Variants in ABLIM2 observed in about 807,000 individuals in gnomAD.
The protein encoded by ABLIM2 is actin binding LIM protein family member 2, also known as actin-binding LIM protein 2.
Under a neutral mutation model 97.7 loss-of-function variants are expected in ABLIM2, and 53 were observed. The ratio of observed to expected loss-of-function variants is 0.54; its 90% CI spans 0.44 to 0.68. The LOEUF (loss-of-function observed/expected upper bound fraction) is 0.68. ABLIM2 is among the 30% of genes least tolerant of loss of function. The pLI, the probability that ABLIM2 is intolerant of heterozygous loss-of-function variation, is 0.00. For synonymous variants in ABLIM2, 361 were observed against 345.8 expected, an observed-to-expected ratio of 1.04 and a Z score of -0.49; for missense variants, 835 against 867.2, an observed-to-expected ratio of 0.96 and a Z score of 0.47.
chr4:7,983,438 C>T (rs371079889), intron 19 of ABLIM2, 94 bp from the exon 20 acceptor site: 45 of 1,576,386 alleles, frequency 2.9e-5, no homozygotes, highest in Non-Finnish European at 3.5e-5. Flanking sequence ...TACATACTTG[C>T]GTCTGCACCT....
intron 14 of ABLIM2, among the ~76,000 whole-genome samples, chr4:8,011,002 T>C (rs1560593542): frequency 6.6e-6 from 1 of 152,222 alleles, no homozygotes; most frequent in Non-Finnish European, 1.5e-5. Flanking sequence ...GTGCATCGTT[T>C]CCTGAAAAGC....
chr4:7,973,088 T>C (rs1191909665), intron 20 of ABLIM2, among the ~76,000 whole-genome samples: 1 of 149,934 alleles, frequency 6.7e-6, no homozygotes, highest in Non-Finnish European at 1.5e-5. Flanking sequence ...TGTGTGTGTG[T>C]GTGTGTGTGT....
At chr4:8,110,726 T>A (rs571647096) in intron 1 of ABLIM2, among the ~76,000 whole-genome samples, 6 of 152,230 alleles carry the variant, frequency 3.9e-5, no homozygotes, top group Non-Finnish European at 7.4e-5. Context: ...GAGGCCCCAA[T>A]CTCGCCTGCT....
In ABLIM2 at chr4:8,155,884, G is replaced by A. The variant is rs1715154214; in HGVS notation, c.10+2796C>T. On this transcript the variant is annotated intron_variant, in intron 1 of 20. Coordinates refer to ENST00000447017, the MANE Select transcript of ABLIM2 (RefSeq NM_001130083.2). This position sits in a 1 kb window ranked among gnomAD's most constrained non-coding sequence, Gnocchi z 4.2. ...GGAAGACGGGGCGAGGACACAGGGA[G>A]AGGGCGGCCGTCCACAAGCCAAGGA... Among the ~76,000 whole-genome samples, 1 of 152,070 alleles carries A rather than the reference G, an allele frequency of 6.6e-6. No individual in the cohort carries two copies. The highest frequency in any genetic ancestry group is 2.4e-5 in the African/African-American group (1 of 41,384).
rs2152807990 is a variant in ABLIM2 at position 8,113,198 on chromosome 4, C to T, written c.11-6561G>A. Among the ~76,000 whole-genome samples, 1 of 152,266 alleles carries T rather than the reference C, an allele frequency of 6.6e-6. No homozygotes were observed. Among genetic ancestry groups the T allele is most frequent in the Middle Eastern group, 3.4e-3 (1 of 294 alleles). ...CAGCCTCAACCTCCCGGGATCAAGC[C>T]ATCCTCCCACCTCAGCCTCCCGAGT... On this transcript the variant is annotated intron_variant, in intron 1 of 20. Transcript: ENST00000447017. The surrounding 1 kb of genome is among the most constrained non-coding windows in gnomAD (Gnocchi z 4.5).
At position 7,967,123 on chromosome 4, in the gene ABLIM2, A is replaced by G. The variant is rs1453848927; in HGVS notation, c.1825-20T>C. On this transcript the variant is annotated intron_variant, in intron 20 of 20. Coordinates refer to ENST00000447017, the MANE Select transcript of ABLIM2 (RefSeq NM_001130083.2). ...GTGTCTCTTCAAACAAAAAGGCAAAACAGAAGGGACCAGTTAGCCACGCAG... is the reference window on the plus strand; with the variant it reads ...GTGTCTCTTCAAACAAAAAGGCAAAGCAGAAGGGACCAGTTAGCCACGCAG... The G allele has an allele frequency of 6.3e-7, 1 of 1,596,014 alleles. No individual in the cohort carries two copies. The highest frequency in any genetic ancestry group is 8.6e-7 in the Non-Finnish European group (1 of 1,165,130).
chr4:7,997,871 CT>C lies in ABLIM2; in HGVS notation c.1619-4945del, dbSNP rs1453239635. The stretch of plus-strand genomic sequence containing the variant: ...TCTTCTCAGTGTTAGTATCTGCTGT[CT>C]TTTTTTTCTTTTTTTCTTTTTTTTT... On this transcript the variant is annotated intron_variant, in intron 16 of 20. Transcript: ENST00000447017. Among the ~76,000 whole-genome samples the C allele has an allele frequency of 2.6e-5, 4 of 151,858 alleles. No homozygotes were observed. In the South Asian group the frequency reaches 8.4e-4, roughly 32 times the overall value.
At chr4:8,018,324 C>T (rs1771004416) in intron 14 of ABLIM2, among the ~76,000 whole-genome samples, 1 of 152,232 alleles carries the variant, frequency 6.6e-6, no homozygotes, top group South Asian at 2.1e-4. Context: ...AGGCTGGGTG[C>T]CATGATGGAA....
intron 1 of ABLIM2, among the ~76,000 whole-genome samples, chr4:8,117,228 GAC>G (rs894995593): frequency 2.3e-4 from 35 of 152,302 alleles, no homozygotes; most frequent in African/African-American, 5.1e-4. Context: ...GAGGTTTAGT[GAC>G]CAGCCCAAAG....
At chr4:8,020,678 A>C in intron 12 of ABLIM2, 1 of 293,888 alleles carries the variant, frequency 3.4e-6, no homozygotes, top group Non-Finnish European at 6.5e-6. Context: ...CCTCTTCCTA[A>C]TTATCCTTGT....
chr4:8,091,678 T>TATATAATTATATATTATATAATATACATA (rs1828522213), intron 3 of ABLIM2, among the ~76,000 whole-genome samples: 1 of 76,694 alleles, frequency 1.3e-5, no homozygotes, highest in African/African-American at 5.3e-5. Flanking sequence ...TATAAAATTA[T>TATATAATTATATATTATATAATATACATA]ATATAATTAT....
intron 14 of ABLIM2, among the ~76,000 whole-genome samples, chr4:8,016,789 G>T (rs78497859): frequency 6.6e-6 from 1 of 152,136 alleles, no homozygotes; most frequent in Admixed American, 6.5e-5. Context: ...CAGTGTTGGC[G>T]TCTCTACCAA....
chr4:7,995,606 C>T (rs1320621265), intron 16 of ABLIM2, among the ~76,000 whole-genome samples: 2 of 152,186 alleles, frequency 1.3e-5, no homozygotes, highest in Non-Finnish European at 2.9e-5. Context: ...TGGGAGGAGC[C>T]TCAGCTGGGG....
chr4:8,066,009 G>C (rs1806943817), intron 6 of ABLIM2, among the ~76,000 whole-genome samples: 1 of 142,720 alleles, frequency 7.0e-6, no homozygotes, highest in Non-Finnish European at 1.5e-5. Context: ...GGAGAAAGGA[G>C]GGAGGGAGGG....
chr4:8,039,452 C>T (rs565045478), intron 9 of ABLIM2, among the ~76,000 whole-genome samples: 1 of 152,196 alleles, frequency 6.6e-6, no homozygotes, highest in Non-Finnish European at 1.5e-5. Context: ...AGACAGGTTG[C>T]TAAGTGGCCT....
chr4:8,036,071 A>C (rs1363160015), intron 10 of ABLIM2, 78 bp downstream of exon 10: 1 of 1,533,370 alleles, frequency 6.5e-7, no homozygotes, highest in African/African-American at 1.4e-5. Flanking sequence ...CATAGGACAC[A>C]TGCTAGGGAT....
chr4:8,153,930 G>C (rs890012615), intron 1 of ABLIM2, among the ~76,000 whole-genome samples: 1 of 148,858 alleles, frequency 6.7e-6, no homozygotes, highest in Non-Finnish European at 1.5e-5. Flanking sequence ...ATACAATTTT[G>C]TCCTGAGCTG....
At chr4:8,092,336 A>G (rs941980347) in intron 3 of ABLIM2, among the ~76,000 whole-genome samples, 3 of 152,106 alleles carry the variant, frequency 2.0e-5, no homozygotes, top group African/African-American at 7.2e-5. Flanking sequence ...GAAAGACAAT[A>G]GAATCTCAGG....
chr4:8,138,585 T>A (rs1850504877), intron 1 of ABLIM2, among the ~76,000 whole-genome samples: 1 of 152,158 alleles, frequency 6.6e-6, no homozygotes, highest in Non-Finnish European at 1.5e-5. Flanking sequence ...AACCATCTGA[T>A]CTTCAACAAA....
Sources: gnomAD v4.1 joint callset for allele counts (sites outside exome capture counted in the v4.1 genomes callset) on GRCh38, gnomAD v4.1.1 for gene constraint, Gnocchi (gnomAD v3.1) non-coding constraint, MANE v1.5 for transcripts, NCBI Gene and HGNC (gene_info 2026-07-23, HGNC 2026-07-21) for gene names.